Variants in DNAAF9 observed in about 807,000 individuals in gnomAD.
DNAAF9 encodes dynein axonemal assembly factor 9.
DNAAF9 carries 90 observed loss-of-function variants against 167.0 expected under a neutral mutation model. That is an observed-to-expected ratio of 0.54 (90% confidence interval 0.45 to 0.64). The LOEUF (loss-of-function observed/expected upper bound fraction) is 0.64, where lower values mean the gene tolerates loss of function less well. Ranked by LOEUF, DNAAF9 falls within the 30% of genes least tolerant of loss-of-function variation. The pLI, the probability that DNAAF9 is intolerant of heterozygous loss-of-function variation, is 0.00. For missense variants in DNAAF9, 1,315 were observed against 1,442.2 expected, an observed-to-expected ratio of 0.91 and a Z score of 1.43; for synonymous variants, 491 against 508.8, an observed-to-expected ratio of 0.96 and a Z score of 0.47.
At chr20:3,394,949 CTTTTT>C (rs10522445) in intron 1 of DNAAF9, among the ~76,000 whole-genome samples, 61 of 102,042 alleles carry the variant, frequency 6.0e-4, no homozygotes, top group African/African-American at 2.1e-3. Context: ...TTTCTTTTTT[CTTTTT>C]TTTTTTTTTT....
intron 1 of DNAAF9, among the ~76,000 whole-genome samples, chr20:3,398,001 A>G (rs1336628352): frequency 6.6e-6 from 1 of 151,872 alleles, no homozygotes; most frequent in Non-Finnish European, 1.5e-5. Flanking sequence ...TTCCATTTCT[A>G]CCTCCCCTGG....
At chr20:3,266,160 C>G (rs1263721335) in intron 30 of DNAAF9, among the ~76,000 whole-genome samples, 1 of 152,088 alleles carries the variant, frequency 6.6e-6, no homozygotes, top group Non-Finnish European at 1.5e-5. Flanking sequence ...AGATTAATAC[C>G]CAGGTGGTGT....
intron 25 of DNAAF9, among the ~76,000 whole-genome samples, chr20:3,293,573 T>C (rs2069006247): frequency 6.8e-6 from 1 of 147,284 alleles, no homozygotes; most frequent in Admixed American, 7.0e-5. Context: ...TAATCCCAGC[T>C]ACTCAGGAGG....
At chr20:3,317,167 T>C (rs1331594542) in intron 17 of DNAAF9, among the ~76,000 whole-genome samples, 1 of 151,704 alleles carries the variant, frequency 6.6e-6, no homozygotes, top group Non-Finnish European at 1.5e-5. Flanking sequence ...AGTGTTGGGA[T>C]TGCAGGCAAC....
chr20:3,346,091 T>C (rs940313488), intron 8 of DNAAF9, among the ~76,000 whole-genome samples: 8 of 152,260 alleles, frequency 5.3e-5, no homozygotes, highest in African/African-American at 1.9e-4. Context: ...AATACAGAAA[T>C]GTAAATTAAA....
At chr20:3,371,376 C>A (rs2083506864) in intron 6 of DNAAF9, among the ~76,000 whole-genome samples, 1 of 118,556 alleles carries the variant, frequency 8.4e-6, no homozygotes, top group South Asian at 2.8e-4. Flanking sequence ...TGGAGTCTCG[C>A]TCTGTGGCCC....
intron 27 of DNAAF9, among the ~76,000 whole-genome samples, chr20:3,283,703 T>C: frequency 6.6e-6 from 1 of 152,258 alleles, no homozygotes; most frequent in Non-Finnish European, 1.5e-5. Flanking sequence ...GATTTAACTC[T>C]TACAGTTAAT....
intron 28 of DNAAF9, 65 bp from the exon 29 acceptor site, chr20:3,279,014 C>T: frequency 8.3e-7 from 1 of 1,204,512 alleles, no homozygotes; most frequent in Non-Finnish European, 1.2e-6. Context: ...TGATTATTTC[C>T]CATACAAATA....
chr20:3,329,668 C>CTT (rs1241569998), intron 12 of DNAAF9, among the ~76,000 whole-genome samples: 1 of 152,148 alleles, frequency 6.6e-6, no homozygotes, highest in Non-Finnish European at 1.5e-5. Context: ...TTAAAGAGAT[C>CTT]TTTAGATAAT....
intron 25 of DNAAF9, among the ~76,000 whole-genome samples, chr20:3,291,256 A>C (rs2068947042): frequency 6.6e-6 from 1 of 152,166 alleles, no homozygotes; most frequent in South Asian, 2.1e-4. Context: ...AAAAGGAGGC[A>C]TCAGGCAGGT....
chr20:3,401,577 C>G (rs2083985010), intron 1 of DNAAF9, among the ~76,000 whole-genome samples: 1 of 131,650 alleles, frequency 7.6e-6, no homozygotes. Context: ...TAACATAGCC[C>G]ACAGCTTCAC....
At chr20:3,352,763 G>T (rs1390735267) in intron 7 of DNAAF9, among the ~76,000 whole-genome samples, 2 of 151,770 alleles carry the variant, frequency 1.3e-5, no homozygotes, top group Admixed American at 6.6e-5. Context: ...CTGCAGGTCG[G>T]CCCAAGGCTG....
chr20:3,325,185 G>C (rs1231093910), intron 13 of DNAAF9, among the ~76,000 whole-genome samples: 1 of 152,198 alleles, frequency 6.6e-6, no homozygotes, highest in Admixed American at 6.5e-5. Context: ...TAGGTTTACA[G>C]GACAAAACTG....
At chr20:3,330,831 G>A (rs1215152020) in intron 11 of DNAAF9, 149 bp from the exon 12 acceptor site, 13 of 551,374 alleles carry the variant, frequency 2.4e-5, no homozygotes, top group African/African-American at 8.6e-5. Flanking sequence ...TAGCTTTGTC[G>A]CCCAGGCTGG....
chr20:3,374,111 T>G lies in DNAAF9; in HGVS notation c.549A>C (p.Pro183=), dbSNP rs766126162. The G allele has an allele frequency of 2.5e-6, 4 of 1,613,794 alleles. No individual in the cohort carries two copies. ...CCTCAAGTGCAAAGGCCTGTACAATTGGCCATTTCTCCACCACAAACATAT... is the reference window on the plus strand; with the variant it reads ...CCTCAAGTGCAAAGGCCTGTACAATGGGCCATTTCTCCACCACAAACATAT... The part of the protein sequence containing the change: ...IFDMFVVEKW[P]IVQAFALEGI... The change falls in exon 6 of 37, where the codon CCA becomes CCC. Residue 183 remains proline, a synonymous_variant. Transcript: ENST00000252032.
At chr20:3,296,753 C>T (rs1473115341) in intron 23 of DNAAF9, 108 bp downstream of exon 23, 1 of 729,378 alleles carries the variant, frequency 1.4e-6, no homozygotes, top group Non-Finnish European at 2.4e-6. Flanking sequence ...CTGTGTTGAC[C>T]CTTTCAGAAG....
intron 35 of DNAAF9, among the ~76,000 whole-genome samples, chr20:3,254,574 C>T (rs1379928346): frequency 1.3e-5 from 2 of 152,176 alleles, no homozygotes; most frequent in Admixed American, 1.3e-4. Flanking sequence ...CCAGGTTGTC[C>T]GGGCCTATAG....
intron 5 of DNAAF9, among the ~76,000 whole-genome samples, chr20:3,374,532 C>G (rs781636407): frequency 6.6e-6 from 1 of 152,206 alleles, no homozygotes; most frequent in Non-Finnish European, 1.5e-5. Flanking sequence ...TCAACTTCCT[C>G]AAGGGAAAAC....
At chr20:3,282,898 G>A (rs1013568413) in intron 27 of DNAAF9, among the ~76,000 whole-genome samples, 7 of 152,090 alleles carry the variant, frequency 4.6e-5, no homozygotes, top group Admixed American at 1.3e-4. Flanking sequence ...AGCAACCCTC[G>A]CTTCTTGGCA....
Sources: gnomAD v4.1 joint callset for allele counts (sites outside exome capture counted in the v4.1 genomes callset) on GRCh38, gnomAD v4.1.1 for gene constraint, MANE v1.5 for transcripts, NCBI Gene and HGNC (gene_info 2026-07-23, HGNC 2026-07-21) for gene names.